The following KIF5C variants were observed in gnomAD, a reference collection of about 807,000 sequenced individuals.
KIF5C encodes kinesin family member 5C, also known as kinesin heavy chain isoform 5C.
KIF5C carries 18 observed loss-of-function variants against 125.2 expected under a neutral mutation model. The ratio of observed to expected loss-of-function variants is 0.14; its 90% CI spans 0.10 to 0.21. The LOEUF (loss-of-function observed/expected upper bound fraction) is 0.21. Ranked by LOEUF, KIF5C falls within the 10% of genes least tolerant of loss-of-function variation. KIF5C has a pLI of 1.00. For synonymous variants in KIF5C, 405 were observed against 434.0 expected (o/e 0.93, Z 0.83); for missense variants, 780 against 1,183.8 (o/e 0.66, Z 5.01).
intron 21 of KIF5C, among the ~76,000 whole-genome samples, chr2:149,003,762 T>C (rs1219405395): frequency 1.3e-5 from 2 of 152,202 alleles, no homozygotes; most frequent in Non-Finnish European, 2.9e-5. Context: ...ACAAACAAAA[T>C]GAGAGAAAGT....
At chr2:148,915,227 G>T (rs181222314) in intron 1 of KIF5C, among the ~76,000 whole-genome samples, 15 of 152,238 alleles carry the variant, frequency 9.9e-5, no homozygotes, top group Non-Finnish European at 1.9e-4. Context: ...CTCCTGTATC[G>T]TACACCATTT....
At chr2:148,899,175 C>A (rs942859056) in intron 1 of KIF5C, among the ~76,000 whole-genome samples, 1 of 152,186 alleles carries the variant, frequency 6.6e-6, no homozygotes, top group East Asian at 1.9e-4. Context: ...TCATCGAACA[C>A]CTTTTAATCT....
In KIF5C at chr2:148,875,575, G is replaced by GCCCCCCCCCCCCCCCCCTGCCC; in HGVS notation, c.-37_-36insCCCCCCCCCCCTGCCCCCCCCC. On this transcript the variant is annotated 5_prime_UTR_variant, in exon 1 of 26. Coordinates refer to ENST00000435030, the MANE Select transcript of KIF5C (RefSeq NM_004522.3). ...TCCTCCCTCGTCGTTCCCGGCCCCG[G>GCCCCCCCCCCCCCCCCCTGCCC]CCCCCCACCCATCCCCGTGCCCCCT... The GCCCCCCCCCCCCCCCCCTGCCC allele has an allele frequency of 1.4e-6, 1 of 699,606 alleles. No homozygotes were observed. The highest frequency in any genetic ancestry group is 2.2e-5 in the Admixed American group (1 of 46,070). 43.3% of individuals were successfully genotyped at this position (699,606 alleles called of 1,614,324 possible). A position where few individuals can be genotyped will look rare whatever the true frequency, so the allele number is the denominator to read the frequency against.
intron 25 of KIF5C, among the ~76,000 whole-genome samples, chr2:149,017,349 CCAGATGATCAG>C (rs1312659782): frequency 1.3e-5 from 2 of 152,052 alleles, no homozygotes; most frequent in African/African-American, 2.4e-5. Context: ...AGGCAAGAAG[CCAGATGATCAG>C]CTGAGAGAGA....
rs761429108 is a variant in KIF5C at position 149,011,597 on chromosome 2, C to T, written c.2795C>T (p.Pro932Leu). ...IAKPIRPGHYPASSPTAVHAI... is the reference protein window; with the variant it reads ...IAKPIRPGHYLASSPTAVHAI... ...AAGCCCATCCGCCCCGGACACTACC[C>T]GGCCTCATCTCCAACGGCCGTCCAT... Residue 932 changes from proline (P) to leucine (L), a missense_variant, in exon 25 of 26, where the codon CCG becomes CTG. This residue lies in a region of KIF5C where 573 missense variants were observed against 742.6 expected (regional missense o/e 0.77). Coordinates refer to ENST00000435030, the MANE Select transcript of KIF5C (RefSeq NM_004522.3). The T allele has an allele frequency of 9.1e-5, 147 of 1,613,946 alleles. No individual in the cohort carries two copies. The highest frequency in any genetic ancestry group is 1.2e-4 in the Non-Finnish European group (137 of 1,179,910).
At chr2:148,956,159 G>T (rs931449270) in intron 10 of KIF5C, among the ~76,000 whole-genome samples, 3 of 152,180 alleles carry the variant, frequency 2.0e-5, no homozygotes, top group African/African-American at 7.2e-5. Flanking sequence ...ACTTACGAGG[G>T]TGCCTTCAGT....
At chr2:148,937,465 G>T (rs966105620) in intron 4 of KIF5C, 77 bp downstream of exon 4, 1 of 1,483,054 alleles carries the variant, frequency 6.7e-7, no homozygotes, top group Non-Finnish European at 9.0e-7. Context: ...CTTTCAAGAA[G>T]ATATAAAAGA....
intron 15 of KIF5C, among the ~76,000 whole-genome samples, chr2:148,984,437 G>A (rs1681322711): frequency 6.6e-6 from 1 of 152,132 alleles, no homozygotes. Context: ...CAAGTTCTCA[G>A]GCTTTTTCTC....
intron 1 of KIF5C, among the ~76,000 whole-genome samples, chr2:148,909,051 G>T (rs996334341): frequency 6.6e-6 from 1 of 152,206 alleles, no homozygotes; most frequent in African/African-American, 2.4e-5. Context: ...TTGCCTCCCA[G>T]GCACCACATC....
intron 1 of KIF5C, among the ~76,000 whole-genome samples, chr2:148,894,461 C>A (rs146733775): frequency 5.3e-5 from 8 of 152,294 alleles, no homozygotes; most frequent in Non-Finnish European, 4.4e-5. Flanking sequence ...ATGGACCACA[C>A]TTAAAATTCT....
At chr2:148,910,804 G>T (rs968068048) in intron 1 of KIF5C, among the ~76,000 whole-genome samples, 15 of 152,220 alleles carry the variant, frequency 9.9e-5, no homozygotes, top group Non-Finnish European at 2.2e-4. Flanking sequence ...TCACTTAGAA[G>T]GCCCTTGTAC....
At chr2:148,976,245 T>TTTTATTTATTTATTTA (rs145613004) in intron 12 of KIF5C, among the ~76,000 whole-genome samples, 1,751 of 143,926 alleles carry the variant, frequency 0.012, 23 homozygotes, top group South Asian at 0.023. Context: ...TATTATTTTG[T>TTTTATTTATTTATTTA]TTTATTTATT....
In KIF5C at chr2:148,976,822, C is replaced by G. The variant is rs540625349; in HGVS notation, c.1294-2100C>G. On this transcript the variant is annotated intron_variant, in intron 12 of 25. Coordinates refer to ENST00000435030, the MANE Select transcript of KIF5C (RefSeq NM_004522.3). ...TCTCGGACTCCTGGGCTCAAGTGAT[C>G]AAGCTGCCTTGGCCTCCCAAAGTGC... is the stretch of plus-strand genomic sequence containing the variant. 3.3e-5 allele frequency among the ~76,000 whole-genome samples: 5 copies of G among 152,130 alleles called. No individual in the cohort carries two copies. The South Asian group carries it at 1.0e-3, about 32-fold the overall frequency.
chr2:148,982,253 T>A (rs779772069), intron 14 of KIF5C, among the ~76,000 whole-genome samples: 1 of 152,214 alleles, frequency 6.6e-6, no homozygotes, highest in Non-Finnish European at 1.5e-5. Context: ...TTCCAGATTC[T>A]CCAAATGAAA....
At chr2:148,973,536 C>G (rs765862243) in intron 12 of KIF5C, 25 bp downstream of exon 12, 2 of 1,581,194 alleles carry the variant, frequency 1.3e-6, no homozygotes, top group Non-Finnish European at 1.7e-6. Flanking sequence ...ATTCATAGTT[C>G]TCATTCTGCT....
chr2:148,967,670 C>T (rs1460811609), intron 11 of KIF5C, among the ~76,000 whole-genome samples: 4 of 152,088 alleles, frequency 2.6e-5, no homozygotes, highest in Admixed American at 6.5e-5. Flanking sequence ...TCTTGTGGGC[C>T]GATATCGATG....
chr2:148,948,062 A>G (rs1682561905), intron 8 of KIF5C: 2 of 455,034 alleles, frequency 4.4e-6, no homozygotes, highest in African/African-American at 2.0e-5. Context: ...TTTTACTAGT[A>G]TGGGGCCGGG....
chr2:148,893,427 TACTTC>T (rs1354143742), intron 1 of KIF5C, among the ~76,000 whole-genome samples: 1 of 152,240 alleles, frequency 6.6e-6, no homozygotes, highest in Non-Finnish European at 1.5e-5. Context: ...TTGATGACTG[TACTTC>T]ACTTCAGGAC....
intron 10 of KIF5C, among the ~76,000 whole-genome samples, chr2:148,956,796 C>G (rs1487621567): frequency 1.3e-5 from 2 of 152,184 alleles, no homozygotes; most frequent in Admixed American, 6.5e-5. Flanking sequence ...ACATTGATAT[C>G]TGTATATACA....
Sources: gnomAD v4.1 joint callset for allele counts (sites outside exome capture counted in the v4.1 genomes callset) on GRCh38, gnomAD v4.1.1 for gene constraint, gnomAD v4.1.1 regional missense constraint, MANE v1.5 for transcripts, NCBI Gene and HGNC (gene_info 2026-07-23, HGNC 2026-07-21) for gene names.